Variants in ST8SIA2 observed in about 807,000 individuals in gnomAD.
ST8SIA2 encodes the protein alpha-2,8-sialyltransferase 8B.
ST8SIA2 carries 22 observed loss-of-function variants against 37.6 expected under a neutral mutation model. That is an observed-to-expected ratio of 0.58 (90% CI 0.42 to 0.83). The LOEUF is 0.83. ST8SIA2 is among the 40% of genes least tolerant of loss of function. The probability of loss-of-function intolerance (pLI) is 0.00; values close to 1 mark genes in which losing one functional copy is unlikely to be tolerated. For synonymous variants in ST8SIA2, 205 were observed against 201.2 expected, an observed-to-expected ratio of 1.02 and a Z score of -0.16; for missense variants, 382 against 484.7, an observed-to-expected ratio of 0.79 and a Z score of 1.99.
At chr15:92,429,199 T>C (rs1177070852) in intron 1 of ST8SIA2, among the ~76,000 whole-genome samples, 1 of 152,226 alleles carries the variant, frequency 6.6e-6, no homozygotes, top group South Asian at 2.1e-4. Context: ...CCACACCGCA[T>C]ACCCCATCAT....
In ST8SIA2 at chr15:92,464,249, A is replaced by C; in HGVS notation, c.992A>C (p.Tyr331Ser). The C allele has an allele frequency of 6.2e-7, 1 of 1,614,030 alleles. No homozygotes were observed. Residue 331 changes from tyrosine to serine, a missense_variant, in exon 6 of 6, where the codon TAT becomes TCT. Physicochemically the swap from Tyr to Ser is moderately radical, Grantham distance 144. Coordinates refer to ENST00000268164, the MANE Select transcript of ST8SIA2 (RefSeq NM_006011.4). ...DQNQNPVKYH[Y>S]YDSLKYGYTS... ...AACCAGAACCCAGTCAAGTACCACTATTATGACAGCCTCAAGTATGGCTAC... is the reference window on the plus strand; with the variant it reads ...AACCAGAACCCAGTCAAGTACCACTCTTATGACAGCCTCAAGTATGGCTAC...
chr15:92,428,879 C>A (rs1436360998), intron 1 of ST8SIA2, among the ~76,000 whole-genome samples: 1 of 152,034 alleles, frequency 6.6e-6, no homozygotes, highest in African/African-American at 2.4e-5. Flanking sequence ...TAGCCTGTTG[C>A]CAAATAATGT....
chr15:92,443,582 A>T (rs112638732), intron 4 of ST8SIA2, among the ~76,000 whole-genome samples: 14 of 151,996 alleles, frequency 9.2e-5, no homozygotes, highest in African/African-American at 3.4e-4. Flanking sequence ...CAGAACCCTC[A>T]GTGGCTCCCT....
intron 4 of ST8SIA2, among the ~76,000 whole-genome samples, chr15:92,441,972 T>C (rs2049806546): frequency 6.6e-6 from 1 of 152,262 alleles, no homozygotes; most frequent in South Asian, 2.1e-4. Context: ...TGTGGTGGTT[T>C]CTGGAAGGGA....
chr15:92,417,616 T>G (rs2049597190), intron 1 of ST8SIA2: 1 of 152,286 alleles, frequency 6.6e-6, no homozygotes, highest in East Asian at 1.9e-4. Flanking sequence ...CCATGTGACA[T>G]GAATGAAATG....
intron 3 of ST8SIA2, among the ~76,000 whole-genome samples, chr15:92,435,928 C>T (rs1318430392): frequency 6.6e-6 from 1 of 152,134 alleles, no homozygotes; most frequent in Non-Finnish European, 1.5e-5. Context: ...GCTCTGGATG[C>T]CACAATTCTG....
chr15:92,410,648 G>A (rs2049542022), intron 1 of ST8SIA2, among the ~76,000 whole-genome samples: 1 of 152,250 alleles, frequency 6.6e-6, no homozygotes, highest in African/African-American at 2.4e-5. Context: ...ACTTAACTAT[G>A]AGGAAAATTC....
Position 92,451,066 on chromosome 15 carries a change from C to T in ST8SIA2, c.842+6137C>T, listed in dbSNP as rs112209585. On this transcript the variant is annotated intron_variant, in intron 5 of 5. Coordinates refer to ENST00000268164, the MANE Select transcript of ST8SIA2 (RefSeq NM_006011.4). ...AGTTTAGGGAATTGAAGGGGACAAACGTTAACTTGTTACCTTCATCTTGTT... is the reference window on the plus strand; with the variant it reads ...AGTTTAGGGAATTGAAGGGGACAAATGTTAACTTGTTACCTTCATCTTGTT... Among the ~76,000 whole-genome samples, 880 of 152,280 alleles carry T rather than the reference C, an allele frequency of 5.8e-3. 8 individuals carry two copies. The highest frequency in any genetic ancestry group is 0.02 in the African/African-American group (841 of 41,540).
intron 5 of ST8SIA2, among the ~76,000 whole-genome samples, chr15:92,458,474 T>G (rs1445146670): frequency 6.6e-6 from 1 of 152,160 alleles, no homozygotes; most frequent in Non-Finnish European, 1.5e-5. Flanking sequence ...GCAAGATGCC[T>G]TTGAATCCTA....
intron 1 of ST8SIA2, 80 bp downstream of exon 1, chr15:92,394,242 C>A: frequency 8.1e-7 from 1 of 1,240,926 alleles, no homozygotes; most frequent in Non-Finnish European, 1.2e-6. Flanking sequence ...CCTCCGACCC[C>A]CTTTGTGTGC....
chr15:92,443,531 G>A (rs2049818310), intron 4 of ST8SIA2, among the ~76,000 whole-genome samples: 2 of 152,074 alleles, frequency 1.3e-5, no homozygotes, highest in East Asian at 1.9e-4. Flanking sequence ...CTTTCTAATC[G>A]TGGCCAAAAA....
chr15:92,445,280 A>AT (rs5814540), intron 5 of ST8SIA2, among the ~76,000 whole-genome samples: 3,085 of 152,194 alleles, frequency 0.02, 128 homozygotes, highest in African/African-American at 0.068. Flanking sequence ...CAGGTGTGTG[A>AT]TTTTCAAGAA....
At chr15:92,401,720 C>CT (rs1048917621) in intron 1 of ST8SIA2, among the ~76,000 whole-genome samples, 3,091 of 148,626 alleles carry the variant, frequency 0.021, 31 homozygotes, top group Middle Eastern at 0.031. Flanking sequence ...TTCCCAGTGC[C>CT]TTTTTTTTTT....
intron 5 of ST8SIA2, among the ~76,000 whole-genome samples, chr15:92,459,981 C>T (rs1262212785): frequency 6.6e-6 from 1 of 152,148 alleles, no homozygotes; most frequent in Non-Finnish European, 1.5e-5. Flanking sequence ...ACTGGCTACC[C>T]GTCACGATGC....
intron 3 of ST8SIA2, among the ~76,000 whole-genome samples, chr15:92,436,210 G>C (rs75981356): frequency 0.025 from 3,870 of 152,148 alleles, 124 homozygotes; most frequent in African/African-American, 0.069. Flanking sequence ...CAGGGGTTAG[G>C]AGGTGGGCAT....
At chr15:92,424,010 T>TG (rs1351403421) in intron 1 of ST8SIA2, among the ~76,000 whole-genome samples, 1 of 152,224 alleles carries the variant, frequency 6.6e-6, no homozygotes, top group African/African-American at 2.4e-5. Context: ...AGTTTGTTCC[T>TG]GGGCTGTCAA....
chr15:92,438,635 G>A, intron 4 of ST8SIA2, 25 bp downstream of exon 4: 1 of 1,586,660 alleles, frequency 6.3e-7, no homozygotes, highest in Non-Finnish European at 8.6e-7. Context: ...CAGGCACTCT[G>A]GGGCCAGAGC....
chr15:92,427,810 C>T (rs895361049), intron 1 of ST8SIA2, among the ~76,000 whole-genome samples: 2 of 152,170 alleles, frequency 1.3e-5, no homozygotes, highest in Non-Finnish European at 2.9e-5. Context: ...ATGGCAAAAC[C>T]CTGTCTCTAC....
chr15:92,452,869 C>T (rs993515472), intron 5 of ST8SIA2, among the ~76,000 whole-genome samples: 1 of 151,992 alleles, frequency 6.6e-6, no homozygotes, highest in Non-Finnish European at 1.5e-5. Context: ...AGTAAATTGC[C>T]CAATTGGAAT....
Sources: gnomAD v4.1 joint callset for allele counts (sites outside exome capture counted in the v4.1 genomes callset) on GRCh38, gnomAD v4.1.1 for gene constraint, MANE v1.5 for transcripts, NCBI Gene and HGNC (gene_info 2026-07-23, HGNC 2026-07-21) for gene names.